The following EGFR variants were observed in gnomAD, a reference collection of about 807,000 sequenced individuals.
EGFR encodes the protein epidermal growth factor receptor.
A neutral mutation model predicts 143.0 loss-of-function variants in EGFR; 58 were observed. The observed-to-expected ratio is 0.41, with a 90% confidence interval of 0.33 to 0.50. EGFR has a LOEUF of 0.50. Ranked by LOEUF, EGFR falls within the 20% of genes least tolerant of loss-of-function variation. The pLI is 0.39. For synonymous variants in EGFR, 613 were observed against 594.4 expected (o/e 1.03, Z -0.45); for missense variants, 1,307 against 1,579.0 (o/e 0.83, Z 2.92).
At chr7:55,130,348 G>A (rs1247261438) in intron 1 of EGFR, among the ~76,000 whole-genome samples, 1 of 152,198 alleles carries the variant, frequency 6.6e-6, no homozygotes, top group Admixed American at 6.5e-5. Flanking sequence ...TTGCAAGAAT[G>A]TCCTGAGCCA....
At chr7:55,068,611 A>G (rs1206101900) in intron 1 of EGFR, among the ~76,000 whole-genome samples, 1 of 152,076 alleles carries the variant, frequency 6.6e-6, no homozygotes, top group Non-Finnish European at 1.5e-5. Flanking sequence ...TCTGTTCTGT[A>G]TCTTCTCTGC....
In EGFR at chr7:55,163,743, G is replaced by A. The variant is rs2128944604; in HGVS notation, c.1642G>A (p.Glu548Lys). The change falls in exon 14 of 28, where the codon GAG becomes AAG. Residue 548 changes from glutamate (E) to lysine (K), a missense_variant. Around this residue, in one of 7 missense-constraint regions of EGFR, gnomAD observed 250 missense variants for 295.1 expected, o/e 0.85. Coordinates refer to ENST00000275493, the MANE Select transcript of EGFR (RefSeq NM_005228.5). ...TCTTCCTCCTCTCAGTGAGCCAAGG[G>A]AGTTTGTGGAGAACTCTGAGTGCAT... ...KCNLLEGEPREFVENSECIQC... is the reference protein window; with the variant it reads ...KCNLLEGEPRKFVENSECIQC... The A allele has an allele frequency of 6.2e-7, 1 of 1,614,212 alleles. No individual in the cohort carries two copies. Among genetic ancestry groups the A allele is most frequent in the Non-Finnish European group, 8.5e-7 (1 of 1,180,018 alleles).
intron 1 of EGFR, among the ~76,000 whole-genome samples, chr7:55,134,134 T>C (rs938784898): frequency 2.0e-5 from 3 of 152,116 alleles, no homozygotes; most frequent in Non-Finnish European, 2.9e-5. Flanking sequence ...GAGTCAGGAC[T>C]CAGCAAGGCC....
chr7:55,060,800 C>G (rs188762464), intron 1 of EGFR, among the ~76,000 whole-genome samples: 2 of 152,274 alleles, frequency 1.3e-5, no homozygotes, highest in African/African-American at 4.8e-5. Flanking sequence ...TACCGTGTGG[C>G]CTGAAGAGAC....
At chr7:55,121,511 C>T (rs1207058879) in intron 1 of EGFR, among the ~76,000 whole-genome samples, 7 of 152,212 alleles carry the variant, frequency 4.6e-5, no homozygotes, top group Non-Finnish European at 1.0e-4. Context: ...CGAGAGCTGT[C>T]ATTTGTCCTA....
intron 13 of EGFR, among the ~76,000 whole-genome samples, chr7:55,163,466 T>A (rs1785807212): frequency 6.6e-6 from 1 of 152,216 alleles, no homozygotes; most frequent in African/African-American, 2.4e-5. Flanking sequence ...TCTTTTATCA[T>A]TTGGCTTGCT....
At chr7:55,132,424 C>T (rs888002237) in intron 1 of EGFR, among the ~76,000 whole-genome samples, 3 of 152,116 alleles carry the variant, frequency 2.0e-5, no homozygotes, top group Non-Finnish European at 4.4e-5. Context: ...AGGATAATAA[C>T]TTGTATCCCC....
intron 23 of EGFR, among the ~76,000 whole-genome samples, chr7:55,200,022 C>A (rs190002412): frequency 6.6e-6 from 1 of 152,356 alleles, no homozygotes; most frequent in Non-Finnish European, 1.5e-5. Context: ...TGTACAGACC[C>A]ACACTGCTCC....
intron 1 of EGFR, among the ~76,000 whole-genome samples, chr7:55,034,486 A>G (rs776841242): frequency 2.0e-5 from 3 of 152,180 alleles, no homozygotes; most frequent in Non-Finnish European, 2.9e-5. Context: ...GAGCTACTGC[A>G]GGAATTGCTT....
chr7:55,158,866 C>T (rs539238271), intron 11 of EGFR, among the ~76,000 whole-genome samples: 3 of 152,078 alleles, frequency 2.0e-5, no homozygotes, highest in Non-Finnish European at 4.4e-5. Context: ...GGCTCCTATG[C>T]GAGACCACTC....
intron 1 of EGFR, among the ~76,000 whole-genome samples, chr7:55,019,796 G>C (rs1252871776): frequency 6.6e-6 from 1 of 152,188 alleles, no homozygotes; most frequent in African/African-American, 2.4e-5. Context: ...GTCCTGGCGC[G>C]CACCCGAGGG....
At chr7:55,120,245 C>T (rs373524891) in intron 1 of EGFR, among the ~76,000 whole-genome samples, 1 of 152,150 alleles carries the variant, frequency 6.6e-6, no homozygotes, top group Non-Finnish European at 1.5e-5. Flanking sequence ...TGTTGGGGGA[C>T]GCCACCCACC....
chr7:55,121,070 C>G (rs1391157523), intron 1 of EGFR, among the ~76,000 whole-genome samples: 1 of 152,150 alleles, frequency 6.6e-6, no homozygotes, highest in Admixed American at 6.5e-5. Flanking sequence ...ATTCCATGAA[C>G]TAAATCCAAG....
Position 55,156,828 on chromosome 7 carries a change from C to T in EGFR, c.1203C>T (p.Ile401=), listed in dbSNP as rs1167483364. 1.2e-6 allele frequency: 2 copies of T among 1,614,224 alleles called. No homozygotes were observed. The highest frequency in any genetic ancestry group is 3.3e-5 in the Admixed American group (2 of 60,024). ...ATATTCTGAAAACCGTAAAGGAAAT[C>T]ACAGGTTTGAGCTGAATTATCACAT... ...ELDILKTVKE[I]TGFLLIQAWP... is the part of the protein sequence containing the mutation. Residue 401 remains isoleucine, a synonymous_variant, in exon 10 of 28, where the codon ATC becomes ATT. Transcript: ENST00000275493.
chr7:55,144,905 A>C (rs572395052), intron 3 of EGFR, among the ~76,000 whole-genome samples: 1 of 152,224 alleles, frequency 6.6e-6, no homozygotes, highest in Non-Finnish European at 1.5e-5. Flanking sequence ...CTGCTAAAAA[A>C]TGGTGACATA....
chr7:55,154,164 T>A lies in EGFR; in HGVS notation c.889+12T>A, dbSNP rs756307457. The A allele has an allele frequency of 1.2e-6, 2 of 1,614,210 alleles. No individual in the cohort carries two copies. Among genetic ancestry groups the A allele is most frequent in the Admixed American group, 3.3e-5 (2 of 60,026 alleles). On this transcript the variant is annotated intron_variant, in intron 7 of 27. Transcript: ENST00000275493. Reference sequence around the variant, plus strand: ...GAAGAAGTGTCCCCGTGAGTCCTCCTCTGTGGGCCCTCTAACTGGTCAGGC... The same window carrying A: ...GAAGAAGTGTCCCCGTGAGTCCTCCACTGTGGGCCCTCTAACTGGTCAGGC...
intron 16 of EGFR, 31 bp from the exon 17 acceptor site, chr7:55,172,952 C>G (rs750973350): frequency 1.2e-6 from 2 of 1,614,168 alleles, no homozygotes; most frequent in Middle Eastern, 1.6e-4. Flanking sequence ...TCAGCAACCT[C>G]ACCCTTCCTT....
intron 1 of EGFR, among the ~76,000 whole-genome samples, chr7:55,086,904 C>G (rs1187069411): frequency 6.6e-6 from 1 of 152,210 alleles, no homozygotes; most frequent in Non-Finnish European, 1.5e-5. Flanking sequence ...CTCTGCATCT[C>G]TCATTGCAAG....
chr7:55,203,321 A>G (rs938696006), intron 27 of EGFR, among the ~76,000 whole-genome samples: 3 of 150,030 alleles, frequency 2.0e-5, no homozygotes, highest in African/African-American at 7.4e-5. Context: ...CACACACACC[A>G]CATACACACA....
Sources: gnomAD v4.1 joint callset for allele counts (sites outside exome capture counted in the v4.1 genomes callset) on GRCh38, gnomAD v4.1.1 for gene constraint, gnomAD v4.1.1 regional missense constraint, MANE v1.5 for transcripts, NCBI Gene and HGNC (gene_info 2026-07-23, HGNC 2026-07-21) for gene names.